The following CYP2C19 variants were observed in gnomAD, a reference collection of about 807,000 sequenced individuals.
CYP2C19 encodes the protein cytochrome P450 2C19.
CYP2C19 carries 59 observed loss-of-function variants against 40.9 expected under a neutral mutation model. The observed-to-expected ratio is 1.44, with a 90% CI of 1.17 to 1.79. The LOEUF is 1.79. CYP2C19 is among the 40% of genes most tolerant of loss of function. CYP2C19 has a pLI of 0.00. For synonymous variants in CYP2C19, 253 were observed against 208.7 expected (o/e 1.21, Z -1.83); for missense variants, 754 against 596.9 (o/e 1.26, Z -2.74).
At chr10:94,841,092 G>A (rs1169934074) in intron 6 of CYP2C19, among the ~76,000 whole-genome samples, 1 of 152,166 alleles carries the variant, frequency 6.6e-6, no homozygotes, top group African/African-American at 2.4e-5. Context: ...CCAAGATGGT[G>A]GCAAGCTTCG....
chr10:94,781,484 A>T (rs1348829276), intron 4 of CYP2C19, among the ~76,000 whole-genome samples: 3 of 152,142 alleles, frequency 2.0e-5, no homozygotes, highest in Non-Finnish European at 4.4e-5. Context: ...CATCTCCAAA[A>T]TGTTAATGTA....
intron 8 of CYP2C19, among the ~76,000 whole-genome samples, chr10:94,850,499 G>C (rs560786992): frequency 6.6e-6 from 1 of 152,122 alleles, no homozygotes; most frequent in Non-Finnish European, 1.5e-5. Context: ...GTCTTAAGAG[G>C]CTCACTTCTG....
intron 7 of CYP2C19, among the ~76,000 whole-genome samples, chr10:94,848,985 G>A (rs1189910169): frequency 6.6e-6 from 1 of 152,270 alleles, no homozygotes; most frequent in Non-Finnish European, 1.5e-5. Flanking sequence ...GGGCTGAGAC[G>A]ATGGGGTTGT....
chr10:94,765,409 G>A (rs952937042), intron 1 of CYP2C19, among the ~76,000 whole-genome samples: 6 of 151,984 alleles, frequency 3.9e-5, no homozygotes, highest in East Asian at 3.9e-4. Context: ...CCTTGGCTGG[G>A]TAGACACAAC....
chr10:94,815,891 A>G (rs1471939742), intron 5 of CYP2C19, among the ~76,000 whole-genome samples: 2 of 152,240 alleles, frequency 1.3e-5, no homozygotes, highest in Non-Finnish European at 2.9e-5. Context: ...TTTCTGACAG[A>G]AGAAGATAAT....
Position 94,853,325 on chromosome 10 carries a change from T to C in CYP2C19, c.*411T>C. On this transcript the variant is annotated 3_prime_UTR_variant, in exon 9 of 9. Coordinates refer to ENST00000371321, the MANE Select transcript of CYP2C19 (RefSeq NM_000769.4). The stretch of plus-strand genomic sequence containing the variant: ...GGTGACAAATTAAAGAAAATAGAGT[T>C]CCAGGAGGCCATGCTGGTTCTCAAA... 2.5e-6 allele frequency: 1 copy of C among 396,484 alleles called. No individual in the cohort carries two copies. The allele number at this position is 396,484 out of a possible 1,614,324, so 24.6% of individuals were successfully genotyped here.
At chr10:94,816,586 T>C (rs1052213578) in intron 5 of CYP2C19, among the ~76,000 whole-genome samples, 2 of 152,130 alleles carry the variant, frequency 1.3e-5, no homozygotes, top group African/African-American at 2.4e-5. Context: ...TTTCTTTTTT[T>C]TTTTATTATA....
intron 1 of CYP2C19, among the ~76,000 whole-genome samples, chr10:94,764,081 C>T (rs990973239): frequency 1.8e-4 from 28 of 151,730 alleles, no homozygotes; most frequent in African/African-American, 4.6e-4. Context: ...CAGACCTTTG[C>T]GGTGAGTGTT....
At chr10:94,835,401 G>A (rs560396010) in intron 6 of CYP2C19, among the ~76,000 whole-genome samples, 24 of 152,248 alleles carry the variant, frequency 1.6e-4, no homozygotes, top group South Asian at 6.2e-4. Flanking sequence ...TAGCCATCCC[G>A]AGGGGAGAAA....
At chr10:94,816,409 T>G (rs1849002887) in intron 5 of CYP2C19, among the ~76,000 whole-genome samples, 1 of 152,130 alleles carries the variant, frequency 6.6e-6, no homozygotes, top group South Asian at 2.1e-4. Context: ...TGAGTGCTAA[T>G]TAGAGAGCTG....
intron 5 of CYP2C19, among the ~76,000 whole-genome samples, chr10:94,811,027 T>C (rs1003068320): frequency 2.0e-5 from 3 of 152,228 alleles, no homozygotes; most frequent in Admixed American, 2.0e-4. Flanking sequence ...TTTAGTGCTA[T>C]AATTTTCCCT....
chr10:94,853,471 G>C lies in CYP2C19; in HGVS notation c.*557G>C, dbSNP rs879849755. 6.6e-6 allele frequency among the ~76,000 whole-genome samples: 1 copy of C among 151,902 alleles called. No individual in the cohort carries two copies. The highest frequency in any genetic ancestry group is 6.5e-5 in the Admixed American group (1 of 15,268). On this transcript the variant is annotated 3_prime_UTR_variant, in exon 9 of 9. Transcript: ENST00000371321. ...AAGTGAGAAACTGTGTCCAGGAGCA[G>C]CTCCAACCTCTAGGGAAATATTCAG...
intron 6 of CYP2C19, among the ~76,000 whole-genome samples, chr10:94,829,910 T>G (rs1050997531): frequency 6.6e-6 from 1 of 152,164 alleles, no homozygotes; most frequent in South Asian, 2.1e-4. Flanking sequence ...TGGAATAACC[T>G]GCCGTGTGAG....
intron 5 of CYP2C19, among the ~76,000 whole-genome samples, chr10:94,785,350 A>G (rs1054266902): frequency 6.6e-6 from 1 of 152,128 alleles, no homozygotes; most frequent in African/African-American, 2.4e-5. Flanking sequence ...GGAGTGAGGT[A>G]GGGTAGGTCC....
chr10:94,852,850 C>A lies in CYP2C19; in HGVS notation c.1409C>A (p.Thr470Asn). 6.2e-7 allele frequency: 1 copy of A among 1,614,074 alleles called. No individual in the cohort carries two copies. The highest frequency in any genetic ancestry group is 8.5e-7 in the Non-Finnish European group (1 of 1,179,978). ...ATTGACCCAAAGGACCTTGACACAA[C>A]TCCTGTTGTCAATGGATTTGCTTCT... ...SLIDPKDLDT[T>N]PVVNGFASVP... Residue 470 changes from threonine to asparagine, a missense_variant, in exon 9 of 9, where the codon ACT becomes AAT. Coordinates refer to ENST00000371321, the MANE Select transcript of CYP2C19 (RefSeq NM_000769.4).
Position 94,836,612 on chromosome 10 carries a change from A to G in CYP2C19, c.962-6225A>G, listed in dbSNP as rs149293549. Reference sequence around the variant, plus strand: ...AATCCACATTCAGCAGAAACCTGTTATGCCAAGGAACCCTCTTAGTTGCTT... The same window carrying G: ...AATCCACATTCAGCAGAAACCTGTTGTGCCAAGGAACCCTCTTAGTTGCTT... On this transcript the variant is annotated intron_variant, in intron 6 of 8. Coordinates refer to ENST00000371321, the MANE Select transcript of CYP2C19 (RefSeq NM_000769.4). 4.9e-3 allele frequency among the ~76,000 whole-genome samples: 743 copies of G among 152,358 alleles called. 6 individuals are homozygous for G. The highest frequency in any genetic ancestry group is 0.017 in the African/African-American group (712 of 41,590).
intron 6 of CYP2C19, among the ~76,000 whole-genome samples, chr10:94,826,719 G>A (rs543618094): frequency 7.2e-5 from 11 of 152,288 alleles, no homozygotes; most frequent in African/African-American, 2.2e-4. Flanking sequence ...GCAAGAGAAG[G>A]CATCCCTGTC....
intron 1 of CYP2C19, among the ~76,000 whole-genome samples, chr10:94,766,771 G>A (rs1321800763): frequency 2.6e-5 from 4 of 152,026 alleles, no homozygotes; most frequent in Admixed American, 6.5e-5. Context: ...CTGAGCTGAT[G>A]GTACTGCAGG....
At chr10:94,827,702 C>G (rs1310890500) in intron 6 of CYP2C19, among the ~76,000 whole-genome samples, 1 of 152,160 alleles carries the variant, frequency 6.6e-6, no homozygotes, top group African/African-American at 2.4e-5. Flanking sequence ...TTGCCTTCTG[C>G]TAGCATTTGA....
Sources: gnomAD v4.1 joint callset for allele counts (sites outside exome capture counted in the v4.1 genomes callset) on GRCh38, gnomAD v4.1.1 for gene constraint, MANE v1.5 for transcripts, NCBI Gene and HGNC (gene_info 2026-07-23, HGNC 2026-07-21) for gene names.